CCDC88C: variants seen among roughly 807,000 people sequenced by gnomAD.
CCDC88C encodes the protein protein Daple.
Under a neutral mutation model 198.8 loss-of-function variants are expected in CCDC88C, and 131 were observed. The ratio of observed to expected loss-of-function variants is 0.66; its 90% CI spans 0.57 to 0.76. The LOEUF (loss-of-function observed/expected upper bound fraction) is 0.76, where lower values mean the gene tolerates loss of function less well. Ranked by LOEUF, CCDC88C falls within the 30% of genes least tolerant of loss-of-function variation. CCDC88C has a pLI of 0.00. For missense variants in CCDC88C, 2,553 were observed against 2,631.6 expected (o/e 0.97, Z 0.65); for synonymous variants, 1,166 against 1,114.7 (o/e 1.05, Z -0.92).
At chr14:91,384,225 C>G (rs1884983482) in intron 3 of CCDC88C, among the ~76,000 whole-genome samples, 1 of 150,674 alleles carries the variant, frequency 6.6e-6, no homozygotes, top group Non-Finnish European at 1.5e-5. Flanking sequence ...TCGTTTGAGT[C>G]TAGGAGTTCG....
intron 15 of CCDC88C, among the ~76,000 whole-genome samples, chr14:91,312,102 A>G (rs1171160629): frequency 2.0e-5 from 3 of 152,214 alleles, no homozygotes; most frequent in Non-Finnish European, 4.4e-5. Context: ...AGGATTAAAT[A>G]TCTTGGCCAG....
Position 91,272,908 on chromosome 14 carries a change from G to C in CCDC88C, c.5804C>G (p.Pro1935Arg). The change falls in exon 30 of 30, where the codon CCG becomes CGG. Residue 1935 changes from proline (P) to arginine (R), a missense_variant. Pro to Arg is a moderately radical substitution (Grantham distance 103). Around this residue, in one of 2 missense-constraint regions of CCDC88C, gnomAD observed 1,293 missense variants for 1,219.6 expected, o/e 1.06. Transcript: ENST00000389857. The stretch of plus-strand genomic sequence containing the variant: ...CGCCTTGGGCTTGGTCCTGGCAGCC[G>C]GGGCTGCAGCAGGTGAGAAGTGCAG... ...QLLHFSPAAA[P>R]AARTKPKAPP... The C allele has an allele frequency of 6.3e-7, 1 of 1,578,934 alleles. No individual in the cohort carries two copies. Among genetic ancestry groups the C allele is most frequent in the South Asian group, 1.1e-5 (1 of 87,796 alleles).
chr14:91,360,365 T>C (rs1035075312), intron 3 of CCDC88C, among the ~76,000 whole-genome samples: 1 of 151,752 alleles, frequency 6.6e-6, no homozygotes, highest in Non-Finnish European at 1.5e-5. Flanking sequence ...GAACAATCGC[T>C]TGAACCTGGG....
intron 10 of CCDC88C, among the ~76,000 whole-genome samples, chr14:91,335,239 G>A (rs1653531669): frequency 6.6e-6 from 1 of 152,156 alleles, no homozygotes; most frequent in Non-Finnish European, 1.5e-5. Flanking sequence ...TTGGGGCCAC[G>A]TAGCCTGAGT....
At chr14:91,326,801 A>G (rs1892603196) in intron 10 of CCDC88C, among the ~76,000 whole-genome samples, 1 of 152,184 alleles carries the variant, frequency 6.6e-6, no homozygotes, top group African/African-American at 2.4e-5. Context: ...CATTCAATAC[A>G]CTGCTCCTAT....
chr14:91,335,282 G>A (rs368262984), intron 10 of CCDC88C, among the ~76,000 whole-genome samples: 4 of 152,030 alleles, frequency 2.6e-5, no homozygotes, highest in Admixed American at 1.3e-4. Flanking sequence ...CACGCCACCC[G>A]CCTCGTGAAA....
intron 4 of CCDC88C, among the ~76,000 whole-genome samples, chr14:91,359,243 A>G (rs903008540): frequency 4.2e-5 from 4 of 95,640 alleles, no homozygotes; most frequent in African/African-American, 1.5e-4. Context: ...AGCTCACTGC[A>G]AGCTCCGGGC....
chr14:91,345,190 A>ATATATATATATATTT (rs1246878587), intron 4 of CCDC88C, among the ~76,000 whole-genome samples: 2 of 52,198 alleles, frequency 3.8e-5, no homozygotes, highest in African/African-American at 1.6e-4. Flanking sequence ...ATATATATAT[A>ATATATATATATATTT]TTTTTTTTTT....
At chr14:91,341,470 A>C (rs1198806185) in intron 6 of CCDC88C, among the ~76,000 whole-genome samples, 1 of 152,236 alleles carries the variant, frequency 6.6e-6, no homozygotes, top group Non-Finnish European at 1.5e-5. Flanking sequence ...GGCCCCAGCC[A>C]GCTGTGGAAG....
At chr14:91,310,992 G>A (rs1468968180) in intron 15 of CCDC88C, among the ~76,000 whole-genome samples, 5 of 152,232 alleles carry the variant, frequency 3.3e-5, no homozygotes, top group African/African-American at 7.2e-5. Context: ...TGAAGTGGGA[G>A]TGATGTGGGT....
rs1477793720 is a variant in CCDC88C at position 91,273,668 on chromosome 14, G to A, written c.5059-15C>T. 6.9e-7 allele frequency: 1 copy of A among 1,447,306 alleles called. No individual in the cohort carries two copies. The highest frequency in any genetic ancestry group is 2.5e-5 in the East Asian group (1 of 39,626). 89.7% of individuals were successfully genotyped at this position (1,447,306 alleles called of 1,614,324 possible). ...CTGGGAGTGTCCTACGGAGAAGAGA[G>A]TGAAGGTTGGAGGTGGGCATGAGGG... is the stretch of plus-strand genomic sequence containing the variant. On this transcript the variant is annotated splice_polypyrimidine_tract_variant and intron_variant, in intron 29 of 29. Transcript: ENST00000389857. The surrounding 1 kb of genome is among the most constrained non-coding windows in gnomAD (Gnocchi z 5.6).
chr14:91,289,482 G>A (rs940153556), intron 24 of CCDC88C, 139 bp from the exon 25 acceptor site: 31 of 778,670 alleles, frequency 4.0e-5, no homozygotes, highest in Middle Eastern at 2.5e-4. Context: ...GGACAATGAC[G>A]CTCATGACCA....
intron 3 of CCDC88C, among the ~76,000 whole-genome samples, chr14:91,391,332 G>A (rs1015400927): frequency 6.6e-6 from 1 of 152,020 alleles, no homozygotes; most frequent in African/African-American, 2.4e-5. Flanking sequence ...GCTTAAAATG[G>A]TTAAGTTTTA....
intron 10 of CCDC88C, 138 bp downstream of exon 10, chr14:91,337,867 G>T: frequency 9.7e-7 from 1 of 1,029,804 alleles, no homozygotes; most frequent in Non-Finnish European, 1.4e-6. Context: ...AGCCCAGGCA[G>T]GCTGAGGTGC....
At chr14:91,382,284 G>A (rs1884852463) in intron 3 of CCDC88C, among the ~76,000 whole-genome samples, 1 of 152,146 alleles carries the variant, frequency 6.6e-6, no homozygotes, top group South Asian at 2.1e-4. Context: ...CCTCTGGGCA[G>A]CCACAACCAA....
At chr14:91,354,769 A>T (rs764400584) in intron 4 of CCDC88C, among the ~76,000 whole-genome samples, 2 of 152,210 alleles carry the variant, frequency 1.3e-5, no homozygotes, top group Admixed American at 1.3e-4. Context: ...ATTCGAACGC[A>T]CTGACAACAA....
intron 20 of CCDC88C, among the ~76,000 whole-genome samples, chr14:91,303,126 C>T (rs1465311419): frequency 6.6e-6 from 1 of 152,128 alleles, no homozygotes; most frequent in Non-Finnish European, 1.5e-5. Flanking sequence ...CAGGGAAGTC[C>T]CAGTCCTCCG....
Position 91,393,147 on chromosome 14 carries a change from G to A in CCDC88C, c.270+15512C>T, listed in dbSNP as rs1262818660. Among the ~76,000 whole-genome samples the A allele has an allele frequency of 2.0e-5, 3 of 152,282 alleles. 1 individual carries two copies. The highest frequency in any genetic ancestry group is 7.2e-5 in the African/African-American group (3 of 41,542). ...GAATCACTGCAACCCAGGGAGGGGA[G>A]TGCAGTCATCACCCCCATCTGACAA... is the stretch of plus-strand genomic sequence containing the variant. On this transcript the variant is annotated intron_variant, in intron 3 of 29. Transcript: ENST00000389857.
chr14:91,296,086 C>T (rs1240123752), intron 22 of CCDC88C, among the ~76,000 whole-genome samples: 2 of 152,166 alleles, frequency 1.3e-5, no homozygotes, highest in African/African-American at 4.8e-5. Context: ...CTTAAGCCAC[C>T]CGGCTTGAGG....
Sources: gnomAD v4.1 joint callset for allele counts (sites outside exome capture counted in the v4.1 genomes callset) on GRCh38, gnomAD v4.1.1 for gene constraint, gnomAD v4.1.1 regional missense constraint, Gnocchi (gnomAD v3.1) non-coding constraint, MANE v1.5 for transcripts, NCBI Gene and HGNC (gene_info 2026-07-23, HGNC 2026-07-21) for gene names.